The following EYS variants were observed in gnomAD, a reference collection of about 807,000 sequenced individuals.
The protein encoded by EYS is protein eyes shut homolog.
Under a neutral mutation model 282.1 loss-of-function variants are expected in EYS, and 250 were observed. That is an observed-to-expected ratio of 0.89 (90% CI 0.80 to 0.98). EYS has a LOEUF of 0.98. Ranked by LOEUF, EYS falls within the 50% of genes least tolerant of loss-of-function variation. The probability of loss-of-function intolerance (pLI) is 0.00; values close to 1 mark genes in which losing one functional copy is unlikely to be tolerated. For missense variants in EYS, 4,016 were observed against 3,709.0 expected (o/e 1.08, Z -2.15); for synonymous variants, 1,355 against 1,282.9 (o/e 1.06, Z -1.20).
chr6:64,138,698 A>T (rs1774242111), intron 31 of EYS, among the ~76,000 whole-genome samples: 1 of 152,180 alleles, frequency 6.6e-6, no homozygotes, highest in East Asian at 1.9e-4. Flanking sequence ...GCATCCTCAT[A>T]ATTGTGCTGT....
chr6:64,876,299 T>G (rs1766749461), intron 19 of EYS, among the ~76,000 whole-genome samples: 1 of 152,152 alleles, frequency 6.6e-6, no homozygotes, highest in South Asian at 2.1e-4. Context: ...ATTTTATTTC[T>G]TATTGGTTAC....
chr6:64,992,540 G>T (rs1277155156), intron 14 of EYS, among the ~76,000 whole-genome samples: 1 of 151,840 alleles, frequency 6.6e-6, no homozygotes, highest in Non-Finnish European at 1.5e-5. Context: ...ATATATAAGA[G>T]CTAAGATATT....
At chr6:64,347,308 T>C (rs902349107) in intron 29 of EYS, among the ~76,000 whole-genome samples, 1 of 151,466 alleles carries the variant, frequency 6.6e-6, no homozygotes, top group Non-Finnish European at 1.5e-5. Context: ...TAACTAGATA[T>C]ATGATATTAA....
chr6:63,833,734 A>G (rs1383032050), intron 36 of EYS, among the ~76,000 whole-genome samples: 1 of 152,236 alleles, frequency 6.6e-6, no homozygotes, highest in Non-Finnish European at 1.5e-5. Context: ...GGAACCAAAA[A>G]AGAGCCCACA....
At chr6:64,505,448 T>G (rs1777177164) in intron 26 of EYS, among the ~76,000 whole-genome samples, 1 of 152,220 alleles carries the variant, frequency 6.6e-6, no homozygotes, top group Non-Finnish European at 1.5e-5. Flanking sequence ...TTCAGGCCTA[T>G]TCACATGGAA....
intron 14 of EYS, among the ~76,000 whole-genome samples, chr6:64,997,325 G>T (rs983125754): frequency 1.3e-5 from 2 of 152,068 alleles, no homozygotes; most frequent in Non-Finnish European, 2.9e-5. Flanking sequence ...ATTGCCACAA[G>T]TTGTGAATCC....
In EYS at chr6:64,590,526, C is replaced by T; in HGVS notation, c.5341G>A (p.Val1781Met). Reference protein sequence around the residue: ...KNNLPPLTGSVPDFSEVTTNV... With the variant: ...KNNLPPLTGSMPDFSEVTTNV... ...GTGGTGACTTCTGAAAAATCAGGCA[C>T]TGAGCCTGTCAATGGTGGCAGATTA... Residue 1781 changes from valine to methionine, a missense_variant, in exon 26 of 43, where the codon GTG (valine) becomes ATG (methionine). Coordinates refer to ENST00000503581, the MANE Select transcript of EYS (RefSeq NM_001142800.2). The T allele has an allele frequency of 2.6e-6, 4 of 1,551,382 alleles. No homozygotes were observed. Among genetic ancestry groups the T allele is most frequent in the Non-Finnish European group, 3.5e-6 (4 of 1,146,766 alleles).
chr6:63,896,950 T>A lies in EYS; in HGVS notation c.7056-32592A>T, dbSNP rs74481217. 2.6e-3 allele frequency among the ~76,000 whole-genome samples: 394 copies of A among 152,342 alleles called. 3 individuals are homozygous for A. Among genetic ancestry groups the A allele is most frequent in the African/African-American group, 8.9e-3 (372 of 41,586 alleles). ...AGTTTATTCACCTACTGAAGTATAT[T>A]TTACTGCTTCCAAGTTTTGGAAATT... On this transcript the variant is annotated intron_variant, in intron 35 of 42. Coordinates refer to ENST00000503581, the MANE Select transcript of EYS (RefSeq NM_001142800.2).
chr6:65,518,707 C>A (rs1183342262), intron 2 of EYS, among the ~76,000 whole-genome samples: 1 of 152,016 alleles, frequency 6.6e-6, no homozygotes, highest in African/African-American at 2.4e-5. Context: ...TAAAGACATA[C>A]CCAAGACTGG....
At chr6:64,352,919 A>C (rs972028534) in intron 29 of EYS, among the ~76,000 whole-genome samples, 3 of 151,502 alleles carry the variant, frequency 2.0e-5, no homozygotes, top group African/African-American at 7.3e-5. Context: ...AATGGTTTTT[A>C]CCTAGGTTCT....
intron 12 of EYS, among the ~76,000 whole-genome samples, chr6:65,115,753 T>C (rs781659565): frequency 1.6e-4 from 24 of 149,302 alleles, no homozygotes; most frequent in Admixed American, 8.0e-4. Context: ...CCATCCTTAA[T>C]ATGCCTCTCT....
intron 28 of EYS, among the ~76,000 whole-genome samples, chr6:64,416,912 A>T (rs1447370450): frequency 3.9e-5 from 6 of 152,166 alleles, no homozygotes. Flanking sequence ...CACCTATTTT[A>T]GCTTTTCTGA....
At chr6:65,357,699 T>G (rs1764543788) in intron 8 of EYS, among the ~76,000 whole-genome samples, 1 of 151,970 alleles carries the variant, frequency 6.6e-6, no homozygotes, top group Non-Finnish European at 1.5e-5. Context: ...CTGCAAAGTA[T>G]TCTCTTAAGT....
At chr6:65,206,075 C>T (rs1766025882) in intron 12 of EYS, among the ~76,000 whole-genome samples, 1 of 151,424 alleles carries the variant, frequency 6.6e-6, no homozygotes, top group South Asian at 2.1e-4. Flanking sequence ...AAAAATGATA[C>T]AAAAGATCAA....
chr6:63,796,885 T>C (rs1049259840), intron 37 of EYS, among the ~76,000 whole-genome samples: 2 of 152,234 alleles, frequency 1.3e-5, no homozygotes, highest in African/African-American at 4.8e-5. Context: ...TTCTCCCTTC[T>C]TCCTTTCCTG....
At chr6:65,591,938 T>A (rs1450941670) in intron 2 of EYS, among the ~76,000 whole-genome samples, 2 of 152,146 alleles carry the variant, frequency 1.3e-5, no homozygotes, top group Non-Finnish European at 2.9e-5. Flanking sequence ...CTCTGACATA[T>A]CTTGTCACAG....
chr6:63,820,300 CTTAT>C (rs1771288520), intron 36 of EYS, among the ~76,000 whole-genome samples: 1 of 152,124 alleles, frequency 6.6e-6, no homozygotes, highest in Non-Finnish European at 1.5e-5. Context: ...ATATGCTTTA[CTTAT>C]TTTTCTTTGA....
chr6:65,048,995 A>G (rs1561939973), intron 13 of EYS, among the ~76,000 whole-genome samples: 1 of 151,844 alleles, frequency 6.6e-6, no homozygotes, highest in Non-Finnish European at 1.5e-5. Flanking sequence ...CCTTGTCACA[A>G]AAAGAAAAGT....
At chr6:64,076,504 G>A (rs184718416) in intron 32 of EYS, among the ~76,000 whole-genome samples, 217 of 151,996 alleles carry the variant, frequency 1.4e-3, no homozygotes, top group African/African-American at 4.2e-3. Flanking sequence ...GGAGGGACCC[G>A]GTGGGAGATA....
Sources: gnomAD v4.1 joint callset for allele counts (sites outside exome capture counted in the v4.1 genomes callset) on GRCh38, gnomAD v4.1.1 for gene constraint, MANE v1.5 for transcripts, NCBI Gene and HGNC (gene_info 2026-07-23, HGNC 2026-07-21) for gene names.